PCSK9: variants seen among roughly 807,000 people sequenced by gnomAD.
The protein encoded by PCSK9 is proprotein convertase subtilisin/kexin type 9.
PCSK9 carries 57 observed loss-of-function variants against 62.1 expected under a neutral mutation model. The ratio of observed to expected loss-of-function variants is 0.92; its 90% CI spans 0.74 to 1.14. PCSK9 has a LOEUF of 1.14. Among genes scored for constraint, PCSK9 ranks in the 50% most tolerant of loss-of-function variants. PCSK9 has a pLI of 0.00. For missense variants in PCSK9, 870 were observed against 959.8 expected (o/e 0.91, Z 1.24); for synonymous variants, 387 against 409.4 (o/e 0.95, Z 0.66).
intron 10 of PCSK9, among the ~76,000 whole-genome samples, chr1:55,060,811 T>A (rs1466835088): frequency 6.6e-6 from 1 of 152,226 alleles, no homozygotes; most frequent in Non-Finnish European, 1.5e-5. Context: ...TCAGAGCACA[T>A]GCCAGGCTCC....
rs781590513 is a variant in PCSK9 at position 55,039,952 on chromosome 1, G to A, written c.115G>A (p.Glu39Lys). 1 of 1,576,144 alleles carries A rather than the reference G, an allele frequency of 6.3e-7. No individual in the cohort carries two copies. Among genetic ancestry groups the A allele is most frequent in the South Asian group, 1.2e-5 (1 of 85,736 alleles). ...RAQEDEDGDY[E>K]ELVLALRSEE... The stretch of plus-strand genomic sequence containing the variant: ...GCAGGAGGACGAGGACGGCGACTAC[G>A]AGGAGCTGGTGCTAGCCTTGCGTTC... Residue 39 changes from glutamate to lysine, a missense_variant, in exon 1 of 12, where the codon GAG becomes AAG. By Grantham distance (56) the Glu-to-Lys change is moderately conservative (BLOSUM62 1). Transcript: ENST00000302118.
chr1:55,060,743 GC>G (rs1433422128), intron 10 of PCSK9, among the ~76,000 whole-genome samples: 2 of 152,208 alleles, frequency 1.3e-5, no homozygotes, highest in Non-Finnish European at 2.9e-5. Flanking sequence ...CTGAGTGGCT[GC>G]CCCGAGCCCT....
intron 3 of PCSK9, among the ~76,000 whole-genome samples, chr1:55,048,664 C>CTTCTTCTTCATT (rs1644652499): frequency 6.6e-6 from 1 of 152,200 alleles, no homozygotes; most frequent in Admixed American, 6.5e-5. Context: ...CATGGGGAGG[C>CTTCTTCTTCATT]CACAAGCATG....
At chr1:55,052,451 T>C in intron 4 of PCSK9, 40 bp downstream of exon 4, 1 of 1,613,048 alleles carries the variant, frequency 6.2e-7, no homozygotes, top group East Asian at 2.2e-5. Context: ...CCTCTGCCCA[T>C]ATCCCCATCC....
chr1:55,046,625 G>T lies in PCSK9; in HGVS notation c.502G>T (p.Ala168Ser). The T allele has an allele frequency of 2.5e-6, 4 of 1,614,020 alleles. No homozygotes were observed. In the South Asian group the frequency reaches 4.4e-5, roughly 18 times the overall value. ...GCGGATTACCCCTCCACGGTACCGG[G>T]CGGATGAATACCAGCCCCCCGGTAA... ...LERITPPRYR[A>S]DEYQPPDGGS... Residue 168 changes from alanine to serine, a missense_variant, in exon 3 of 12, where the codon GCG (alanine) becomes TCG (serine). Coordinates refer to ENST00000302118, the MANE Select transcript of PCSK9 (RefSeq NM_174936.4).
Position 55,039,826 on chromosome 1 carries a change from C to A in PCSK9, c.-12C>A, listed in dbSNP as rs182393980. ...TCTCCTCGCCAGGACAGCAACCTCTCCCCTGGCCCTCATGGGCACCGTCAG... is the reference window on the plus strand; with the variant it reads ...TCTCCTCGCCAGGACAGCAACCTCTACCCTGGCCCTCATGGGCACCGTCAG... On this transcript the variant is annotated 5_prime_UTR_variant, in exon 1 of 12. Coordinates refer to ENST00000302118, the MANE Select transcript of PCSK9 (RefSeq NM_174936.4). 1.9e-6 allele frequency: 3 copies of A among 1,567,598 alleles called. No homozygotes were observed. The highest frequency in any genetic ancestry group is 4.6e-5 in the East Asian group (2 of 43,040).
At chr1:55,051,125 G>T in intron 3 of PCSK9, 1 of 456,190 alleles carries the variant, frequency 2.2e-6, no homozygotes, top group South Asian at 1.5e-5. Context: ...GCCATAAGAA[G>T]TGGGTACACG....
chr1:55,042,903 T>C (rs1243202679), intron 1 of PCSK9, among the ~76,000 whole-genome samples: 3 of 152,218 alleles, frequency 2.0e-5, no homozygotes, highest in Non-Finnish European at 4.4e-5. Flanking sequence ...CTTGTGATAA[T>C]GAGTAAGTTC....
intron 8 of PCSK9, 137 bp downstream of exon 8, chr1:55,058,346 C>T: frequency 6.7e-7 from 1 of 1,491,584 alleles, no homozygotes; most frequent in African/African-American, 1.4e-5. Context: ...GAATGGGGCT[C>T]TGAAAGGGCT....
intron 11 of PCSK9, among the ~76,000 whole-genome samples, chr1:55,061,947 C>T (rs1182174230): frequency 1.3e-5 from 2 of 152,206 alleles, no homozygotes; most frequent in Non-Finnish European, 2.9e-5. Flanking sequence ...CTCAGCCTCC[C>T]CAAGTGTTGG....
At chr1:55,059,403 C>T (rs766141951) in intron 9 of PCSK9, 83 bp from the exon 10 acceptor site, 230 of 1,504,256 alleles carry the variant, frequency 1.5e-4, no homozygotes, top group Admixed American at 2.4e-4. Context: ...GATGAGGGTG[C>T]TTGAGTTGAT....
rs942292612 is a variant in PCSK9, at chr1:55,057,482, G to A, written c.1148G>A (p.Ser383Asn). 12 of 1,613,616 alleles carry A rather than the reference G, an allele frequency of 7.4e-6. No individual in the cohort carries two copies. Among genetic ancestry groups the A allele is most frequent in the Non-Finnish European group, 1.0e-5 (12 of 1,179,984 alleles). ...TGCAGCACCTGCTTTGTGTCACAGA[G>A]TGGGACATCACAGGCTGCTGCCCAC... ...SDCSTCFVSQ[S>N]GTSQAAAHVA... Residue 383 changes from serine (S) to asparagine (N), a missense_variant, in exon 7 of 12, where the codon AGT becomes AAT. Physicochemically the swap from Ser to Asn is conservative, Grantham distance 46 (BLOSUM62 1). Transcript: ENST00000302118.
At chr1:55,055,126 G>A (rs1644704214) in intron 5 of PCSK9, among the ~76,000 whole-genome samples, 1 of 152,210 alleles carries the variant, frequency 6.6e-6, no homozygotes, top group South Asian at 2.1e-4. Flanking sequence ...CTCAAGGGTG[G>A]GGAGTTATGG....
rs769681001 is a variant in PCSK9, at chr1:55,052,266, C to T, written c.524-12C>T. ...TCATTCCCTCCTCTCCCACAAATGT[C>T]GCCTTGGAAAGACGGAGGCAGCCTG... On this transcript the variant is annotated splice_polypyrimidine_tract_variant and intron_variant, in intron 3 of 11. Coordinates refer to ENST00000302118, the MANE Select transcript of PCSK9 (RefSeq NM_174936.4). 37 of 1,613,816 alleles carry T rather than the reference C, an allele frequency of 2.3e-5. No homozygotes were observed. The highest frequency in any genetic ancestry group is 4.5e-5 in the East Asian group (2 of 44,892).
intron 5 of PCSK9, among the ~76,000 whole-genome samples, chr1:55,055,136 G>A (rs925591551): frequency 1.1e-4 from 17 of 152,182 alleles, no homozygotes; most frequent in African/African-American, 3.6e-4. Flanking sequence ...GGGAGTTATG[G>A]TATGGGGGGT....
intron 11 of PCSK9, 142 bp from the exon 12 acceptor site, chr1:55,063,227 G>A: frequency 1.2e-6 from 1 of 859,870 alleles, no homozygotes. Context: ...GAGATACACG[G>A]TTGTGTCCCA....
rs983995334 is a variant in PCSK9, at chr1:55,047,430, G to A, written c.523+784G>A. 2.0e-5 allele frequency among the ~76,000 whole-genome samples: 3 copies of A among 152,330 alleles called. No homozygotes were observed. The South Asian group carries it at 6.2e-4, about 32-fold the overall frequency. ...ATGGTGCCAGGACGCAGAGCTTGGGGTGAACTCAGCTTTCACCCCTTACCG... is the reference window on the plus strand; with the variant it reads ...ATGGTGCCAGGACGCAGAGCTTGGGATGAACTCAGCTTTCACCCCTTACCG... On this transcript the variant is annotated intron_variant, in intron 3 of 11. Coordinates refer to ENST00000302118, the MANE Select transcript of PCSK9 (RefSeq NM_174936.4).
In PCSK9 at chr1:55,058,124, C is replaced by T. The variant is rs1644729988; in HGVS notation, c.1269C>T (p.Val423=). 6.2e-7 allele frequency: 1 copy of T among 1,613,580 alleles called. No homozygotes were observed. Among genetic ancestry groups the T allele is most frequent in the Non-Finnish European group, 8.5e-7 (1 of 1,180,052 alleles). ...TGATCCACTTCTCTGCCAAAGATGTCATCAATGAGGCCTGGTTCCCTGAGG... is the reference window on the plus strand; with the variant it reads ...TGATCCACTTCTCTGCCAAAGATGTTATCAATGAGGCCTGGTTCCCTGAGG... ...QRLIHFSAKD[V]INEAWFPEDQ... Residue 423 remains valine (V), a synonymous_variant, in exon 8 of 12, where the codon GTC becomes GTT. Coordinates refer to ENST00000302118, the MANE Select transcript of PCSK9 (RefSeq NM_174936.4).
chr1:55,048,634 C>T (rs113444059), intron 3 of PCSK9, among the ~76,000 whole-genome samples: 22 of 152,298 alleles, frequency 1.4e-4, no homozygotes, highest in African/African-American at 5.3e-4. Flanking sequence ...CTGGCTGGGC[C>T]CAGCAGCAGC....
Sources: allele counts gnomAD v4.1 joint callset (sites outside exome capture counted in the v4.1 genomes callset), GRCh38; gene constraint gnomAD v4.1.1; transcripts MANE v1.5; gene names NCBI Gene and HGNC (gene_info 2026-07-23, HGNC 2026-07-21).